The following PDZRN4 variants were observed in gnomAD, a reference collection of about 807,000 sequenced individuals.
PDZRN4 encodes PDZ domain-containing RING finger protein 4.
Under a neutral mutation model 99.0 loss-of-function variants are expected in PDZRN4, and 70 were observed. The observed-to-expected ratio is 0.71, with a 90% CI of 0.58 to 0.86. The LOEUF (loss-of-function observed/expected upper bound fraction) is 0.86. Ranked by LOEUF, PDZRN4 falls within the 40% of genes least tolerant of loss-of-function variation. PDZRN4 has a pLI of 0.00. For synonymous variants in PDZRN4, 551 were observed against 501.6 expected (o/e 1.10, Z -1.32); for missense variants, 1,474 against 1,331.2 (o/e 1.11, Z -1.67).
chr12:41,228,575 G>C (rs1951010764), intron 3 of PDZRN4, among the ~76,000 whole-genome samples: 2 of 152,114 alleles, frequency 1.3e-5, no homozygotes, highest in Admixed American at 6.6e-5. Flanking sequence ...AAGGATCCCA[G>C]GAGAATGTTA....
intron 3 of PDZRN4, among the ~76,000 whole-genome samples, chr12:41,226,975 T>C (rs1950999218): frequency 6.6e-6 from 1 of 152,198 alleles, no homozygotes. Context: ...CCTGTTTGTA[T>C]CATGCAGTTG....
intron 3 of PDZRN4, among the ~76,000 whole-genome samples, chr12:41,387,594 A>G (rs1278734372): frequency 6.6e-6 from 1 of 152,210 alleles, no homozygotes; most frequent in East Asian, 1.9e-4. Context: ...TCCAACAACA[A>G]CAACAACAAA....
intron 3 of PDZRN4, among the ~76,000 whole-genome samples, chr12:41,214,657 T>A (rs1057416002): frequency 4.1e-4 from 62 of 151,942 alleles, no homozygotes; most frequent in Non-Finnish European, 5.7e-4. Flanking sequence ...TACAACTACA[T>A]TTATGAAATG....
intron 3 of PDZRN4, among the ~76,000 whole-genome samples, chr12:41,307,834 G>T (rs1565547516): frequency 6.6e-6 from 1 of 151,796 alleles, no homozygotes; most frequent in Non-Finnish European, 1.5e-5. Context: ...GGTATAATAG[G>T]TATGTTTTAT....
chr12:41,412,477 T>C (rs1024496950), intron 3 of PDZRN4: 7 of 152,254 alleles, frequency 4.6e-5, no homozygotes, highest in Admixed American at 3.9e-4. Flanking sequence ...AGGTTAAAAG[T>C]TGGGAGTTCT....
chr12:41,432,403 G>A (rs1365826253), intron 3 of PDZRN4, among the ~76,000 whole-genome samples: 1 of 152,258 alleles, frequency 6.6e-6, no homozygotes, highest in Non-Finnish European at 1.5e-5. Flanking sequence ...AATCCTATGG[G>A]GGAAAATGTC....
intron 3 of PDZRN4, among the ~76,000 whole-genome samples, chr12:41,335,687 C>A (rs10880038): frequency 6.6e-6 from 1 of 151,846 alleles, no homozygotes; most frequent in African/African-American, 2.4e-5. Flanking sequence ...TTGTGGACTT[C>A]TGCTCAGTAG....
chr12:41,366,510 T>C (rs1029733285), intron 3 of PDZRN4, among the ~76,000 whole-genome samples: 1 of 152,106 alleles, frequency 6.6e-6, no homozygotes, highest in Non-Finnish European at 1.5e-5. Flanking sequence ...TACTGGACAA[T>C]GAACAAATGA....
chr12:41,534,991 A>G (rs1409298352), intron 5 of PDZRN4, among the ~76,000 whole-genome samples: 1 of 151,850 alleles, frequency 6.6e-6, no homozygotes, highest in Non-Finnish European at 1.5e-5. Context: ...TTTCCAGTTG[A>G]GTAATTTCCC....
chr12:41,561,972 G>T (rs907966873), intron 7 of PDZRN4, among the ~76,000 whole-genome samples: 1 of 152,092 alleles, frequency 6.6e-6, no homozygotes, highest in Non-Finnish European at 1.5e-5. Flanking sequence ...CTTGGAGTCA[G>T]TACACACATA....
chr12:41,467,621 T>A (rs1952941004), intron 3 of PDZRN4, among the ~76,000 whole-genome samples: 1 of 152,172 alleles, frequency 6.6e-6, no homozygotes, highest in South Asian at 2.1e-4. Context: ...AACACAGCAG[T>A]GTTTTGCAGG....
chr12:41,263,280 C>T (rs576833726), intron 3 of PDZRN4, among the ~76,000 whole-genome samples: 4 of 152,224 alleles, frequency 2.6e-5, no homozygotes, highest in African/African-American at 4.8e-5. Context: ...TAGTTGGGCG[C>T]GGTTGCTCAT....
chr12:41,528,585 G>A (rs1247478915), intron 5 of PDZRN4, among the ~76,000 whole-genome samples: 1 of 152,180 alleles, frequency 6.6e-6, no homozygotes, highest in Non-Finnish European at 1.5e-5. Context: ...TTAAAAACAT[G>A]AGATATTAGA....
At chr12:41,198,667 G>A (rs1266003195) in intron 3 of PDZRN4, among the ~76,000 whole-genome samples, 3 of 149,880 alleles carry the variant, frequency 2.0e-5, no homozygotes, top group African/African-American at 7.3e-5. Context: ...GCTAAATGAC[G>A]AGTTAATGGG....
chr12:41,474,400 A>T (rs992405677), intron 3 of PDZRN4, among the ~76,000 whole-genome samples: 1 of 152,246 alleles, frequency 6.6e-6, no homozygotes. Flanking sequence ...CTTGGCAAAA[A>T]TGAATGCATT....
At chr12:41,318,051 A>T (rs1045480551) in intron 3 of PDZRN4, among the ~76,000 whole-genome samples, 5 of 152,176 alleles carry the variant, frequency 3.3e-5, no homozygotes, top group African/African-American at 1.2e-4. Context: ...TAGTTTACTC[A>T]TTAATGTACT....
intron 5 of PDZRN4, among the ~76,000 whole-genome samples, chr12:41,540,534 A>G (rs1415613712): frequency 1.3e-5 from 2 of 152,194 alleles, no homozygotes; most frequent in Admixed American, 6.5e-5. Context: ...TGATCTACCT[A>G]TGAAGAAAAC....
At chr12:41,323,347 T>C (rs1309719020) in intron 3 of PDZRN4, among the ~76,000 whole-genome samples, 1 of 152,156 alleles carries the variant, frequency 6.6e-6, no homozygotes, top group East Asian at 1.9e-4. Context: ...CTTAGTAATA[T>C]ATGAAAATAT....
chr12:41,250,214 C>A (rs1353309080), intron 3 of PDZRN4, among the ~76,000 whole-genome samples: 2 of 152,120 alleles, frequency 1.3e-5, no homozygotes, highest in African/African-American at 4.8e-5. Flanking sequence ...CTGGTTCATT[C>A]CATGATTTAG....
Sources: allele counts gnomAD v4.1 joint callset (sites outside exome capture counted in the v4.1 genomes callset), GRCh38; gene constraint gnomAD v4.1.1; transcripts MANE v1.5; gene names NCBI Gene and HGNC (gene_info 2026-07-23, HGNC 2026-07-21).